The following PCDH11X variants were observed in gnomAD, a reference collection of about 807,000 sequenced individuals.
PCDH11X encodes protocadherin-11 X-linked.
PCDH11X carries 18 observed loss-of-function variants against 53.3 expected under a neutral mutation model. That is an observed-to-expected ratio of 0.34 (90% CI 0.23 to 0.50). The LOEUF (loss-of-function observed/expected upper bound fraction) is 0.50, where lower values mean the gene tolerates loss of function less well. Ranked by LOEUF, PCDH11X falls within the 20% of genes least tolerant of loss-of-function variation. The pLI is 0.98. For missense variants in PCDH11X, 570 were observed against 1,032.4 expected (o/e 0.55, Z 6.14); for synonymous variants, 279 against 393.3 (o/e 0.71, Z 3.44).
rs1220798537 is a variant in PCDH11X, at chrX:92,508,433, G to A, written c.3367+40111G>A. ...AGACGGGGTTTCACCATGTTGGCCA[G>A]GATGGTCTCGATTTCCTGACCTCGT... On this transcript the variant is annotated intron_variant, in intron 10 of 10. Transcript: ENST00000682573. Among the ~76,000 whole-genome samples the A allele has an allele frequency of 4.6e-5, 5 of 109,061 alleles. No homozygotes were observed. In the Admixed American group the frequency reaches 5.0e-4, roughly 11 times the overall value. 94.7% of individuals were successfully genotyped at this position (109,061 alleles called of 115,157 possible). A position where few individuals can be genotyped will look rare whatever the true frequency, so the allele number is the denominator to read the frequency against.
At chrX:92,467,382 T>C (rs898450795) in intron 9 of PCDH11X, among the ~76,000 whole-genome samples, 1 of 111,187 alleles carries the variant, frequency 9.0e-6, no homozygotes, top group African/African-American at 3.3e-5. Flanking sequence ...TCAAAATAGA[T>C]TTTTAACAAA....
At chrX:92,005,418 T>C (rs964748171) in intron 6 of PCDH11X, among the ~76,000 whole-genome samples, 7 of 111,614 alleles carry the variant, frequency 6.3e-5, no homozygotes, top group African/African-American at 2.3e-4. Flanking sequence ...TTATATCCCC[T>C]TATTTTAATA....
At chrX:91,889,209 ATTATTT>A (rs1940366569) in intron 6 of PCDH11X, among the ~76,000 whole-genome samples, 2 of 111,316 alleles carry the variant, frequency 1.8e-5, no homozygotes, top group Non-Finnish European at 3.8e-5. Flanking sequence ...ATATTTTATT[ATTATTT>A]TTATTTATTT....
intron 8 of PCDH11X, among the ~76,000 whole-genome samples, chrX:92,302,527 T>A (rs1379777137): frequency 1.8e-5 from 2 of 111,884 alleles, no homozygotes; most frequent in Non-Finnish European, 3.8e-5. Context: ...GAAGTCAGTT[T>A]TTACACTATG....
intron 8 of PCDH11X, among the ~76,000 whole-genome samples, chrX:92,368,872 C>T (rs2070539948): frequency 9.1e-6 from 1 of 110,045 alleles, no homozygotes; most frequent in African/African-American, 3.3e-5. Flanking sequence ...CCTCTGGAAG[C>T]TTCGTCCCAG....
intron 6 of PCDH11X, among the ~76,000 whole-genome samples, chrX:91,902,478 T>C (rs1940992486): frequency 9.8e-6 from 1 of 101,808 alleles, no homozygotes; most frequent in Non-Finnish European, 2.0e-5. Context: ...TTCTGTGTGG[T>C]AATTTCATCT....
intron 4 of PCDH11X, among the ~76,000 whole-genome samples, chrX:91,832,723 T>C (rs1937156385): frequency 9.0e-6 from 1 of 111,525 alleles, no homozygotes; most frequent in Non-Finnish European, 1.9e-5. Flanking sequence ...ACTAGATCGC[T>C]CTATTAATTA....
In PCDH11X at chrX:92,179,109, G is replaced by A. The variant is rs776041624; in HGVS notation, c.3034-22266G>A. Among the ~76,000 whole-genome samples the A allele has an allele frequency of 9.0e-4, 101 of 111,829 alleles. 1 individual carries two copies. The highest frequency in any genetic ancestry group is 1.4e-3 in the Non-Finnish European group (74 of 53,092). On this transcript the variant is annotated intron_variant, in intron 6 of 10. Coordinates refer to ENST00000682573, the MANE Select transcript of PCDH11X (RefSeq NM_032968.5). ...CCCCATATGCTCAAAGAAGTCAGAA[G>A]AATAAAATAATTTGAACTAATCCAA...
chrX:92,078,542 G>T (rs997195224), intron 6 of PCDH11X, among the ~76,000 whole-genome samples: 2 of 111,018 alleles, frequency 1.8e-5, no homozygotes, highest in Non-Finnish European at 3.8e-5. Flanking sequence ...CAGAATGAGG[G>T]CAGTTATAAA....
At chrX:91,903,514 C>G (rs1268365475) in intron 6 of PCDH11X, among the ~76,000 whole-genome samples, 2 of 110,921 alleles carry the variant, frequency 1.8e-5, no homozygotes, top group Non-Finnish European at 3.8e-5. Flanking sequence ...TTGCAGTTTC[C>G]TACTATACAG....
intron 8 of PCDH11X, among the ~76,000 whole-genome samples, chrX:92,350,748 A>G (rs769081838): frequency 9.0e-6 from 1 of 111,618 alleles, no homozygotes; most frequent in South Asian, 3.8e-4. Context: ...TCTGAGTGGG[A>G]GTTGTAACTT....
intron 10 of PCDH11X, among the ~76,000 whole-genome samples, chrX:92,509,094 ATGAAGG>A (rs1039873378): frequency 1.0e-5 from 1 of 99,555 alleles, no homozygotes; most frequent in African/African-American, 3.6e-5. Flanking sequence ...GAAATTGTTT[ATGAAGG>A]TGAAGATGAG....
chrX:91,857,297 G>A (rs1042077011), intron 5 of PCDH11X, among the ~76,000 whole-genome samples: 3 of 111,105 alleles, frequency 2.7e-5, no homozygotes, highest in Non-Finnish European at 5.7e-5. Flanking sequence ...CCTCACACCA[G>A]GTTCCTCCCA....
intron 1 of PCDH11X, among the ~76,000 whole-genome samples, chrX:91,808,689 CT>C (rs942333724): frequency 9.1e-6 from 1 of 109,739 alleles, no homozygotes; most frequent in African/African-American, 3.3e-5. Context: ...AGGCACTCCC[CT>C]GGGACATGAA....
At chrX:92,056,814 G>A (rs1200235516) in intron 6 of PCDH11X, among the ~76,000 whole-genome samples, 1 of 110,089 alleles carries the variant, frequency 9.1e-6, no homozygotes, top group Non-Finnish European at 1.9e-5. Flanking sequence ...AAAAGAAATA[G>A]CACATACACA....
At chrX:92,417,757 C>A (rs770298898) in intron 9 of PCDH11X, among the ~76,000 whole-genome samples, 1 of 107,222 alleles carries the variant, frequency 9.3e-6, no homozygotes, top group South Asian at 4.1e-4. Context: ...TAGTATTGAA[C>A]AACTGCAAAA....
Position 92,138,152 on chromosome X carries a change from C to T in PCDH11X, c.3034-63223C>T, listed in dbSNP as rs775216235. On this transcript the variant is annotated intron_variant, in intron 6 of 10. Transcript: ENST00000682573. ...TTAGTTTACTAAGGATAATGGCTTC[C>T]AGCTCCATCCATGTCCCTGCAAAGG... Among the ~76,000 whole-genome samples, 392 of 107,742 alleles carry T rather than the reference C, an allele frequency of 3.6e-3. 1 individual carries two copies. The highest frequency in any genetic ancestry group is 0.013 in the African/African-American group (374 of 29,588). 93.6% of individuals were successfully genotyped at this position (107,742 alleles called of 115,157 possible). A position where few individuals can be genotyped will look rare whatever the true frequency, so the allele number is the denominator to read the frequency against.
chrX:92,600,264 C>G (rs1241761136), intron 10 of PCDH11X, among the ~76,000 whole-genome samples: 1 of 109,862 alleles, frequency 9.1e-6, no homozygotes, highest in East Asian at 2.9e-4. Flanking sequence ...GGAAAAATTT[C>G]TCCAGGACAT....
chrX:91,892,296 T>C (rs1277573171), intron 6 of PCDH11X, among the ~76,000 whole-genome samples: 1 of 107,313 alleles, frequency 9.3e-6, no homozygotes, highest in East Asian at 3.0e-4. Context: ...ACAGGTTGCC[T>C]TACTTTCTAC....
Sources: allele counts gnomAD v4.1 joint callset (sites outside exome capture counted in the v4.1 genomes callset), GRCh38; gene constraint gnomAD v4.1.1; transcripts MANE v1.5; gene names NCBI Gene and HGNC (gene_info 2026-07-23, HGNC 2026-07-21).